The following CDC20 variants were observed in gnomAD, a reference collection of about 807,000 sequenced individuals.
The protein encoded by CDC20 is cell division cycle 20, also known as cell division cycle protein 20 homolog.
In CDC20, 34 loss-of-function variants were observed where a neutral mutation model predicts 60.0. The observed-to-expected ratio is 0.57, with a 90% CI of 0.43 to 0.75. CDC20 has a LOEUF of 0.75. CDC20 is among the 30% of genes least tolerant of loss of function. CDC20 has a pLI of 0.00. For synonymous variants in CDC20, 198 were observed against 243.5 expected (o/e 0.81, Z 1.74); for missense variants, 469 against 647.3 (o/e 0.72, Z 2.99).
chr1:43,359,709 C>T lies in CDC20; in HGVS notation c.331-16C>T, dbSNP rs772359905. The T allele has an allele frequency of 4.3e-6, 7 of 1,613,862 alleles. No individual in the cohort carries two copies. Among genetic ancestry groups the T allele is most frequent in the Non-Finnish European group, 5.9e-6 (7 of 1,179,966 alleles). On this transcript the variant is annotated splice_polypyrimidine_tract_variant and intron_variant, in intron 3 of 10. Transcript: ENST00000310955. ...TGGATAATACCATCTTGCTCCTTCA[C>T]TACCCTTTATGCCAGGAACATCAGA...
At position 43,363,055 on chromosome 1, in the gene CDC20, G is replaced by A. The variant is rs1375787980; in HGVS notation, c.1426G>A (p.Asp476Asn). ...TLRLWRCFEL[D>N]PARRREREKA... ...GAGGCTATGGCGCTGTTTTGAGTTG[G>A]ACCCTGCGCGGCGGCGGGAGCGGGA... Residue 476 changes from aspartate to asparagine, a missense_variant, in exon 11 of 11, where the codon GAC becomes AAC. Transcript: ENST00000310955. 1 of 1,613,542 alleles carries A rather than the reference G, an allele frequency of 6.2e-7. No individual in the cohort carries two copies. Among genetic ancestry groups the A allele is most frequent in the Middle Eastern group, 1.7e-4 (1 of 6,060 alleles).
chr1:43,361,424 C>T (rs45449701), intron 9 of CDC20, among the ~76,000 whole-genome samples, 179 bp downstream of exon 9: 1,537 of 152,282 alleles, frequency 0.01, 23 homozygotes, highest in African/African-American at 0.035. Context: ...CTATAGGCAC[C>T]ACCACCTTGA....
chr1:43,359,093 C>T lies in CDC20; in HGVS notation c.-49-74C>T, dbSNP rs915868688. 7.9e-6 allele frequency: 8 copies of T among 1,007,356 alleles called. No homozygotes were observed. In the African/African-American group the frequency reaches 8.0e-5, roughly 10 times the overall value. 62.4% of individuals were successfully genotyped at this position (1,007,356 alleles called of 1,614,324 possible). On this transcript the variant is annotated intron_variant, in intron 1 of 10. Coordinates refer to ENST00000310955, the MANE Select transcript of CDC20 (RefSeq NM_001255.3). ...GGAAGGGGCTGCAGCCGAGGGTGGC[C>T]CTGATTTTGTGGCCGGCCAGGAGCG...
intron 1 of CDC20, 47 bp downstream of exon 1, chr1:43,359,053 AG>A (rs1372525501): frequency 4.4e-6 from 3 of 680,952 alleles, no homozygotes; most frequent in African/African-American, 1.8e-5. Flanking sequence ...GGCCAGGGGG[AG>A]GGGGTGCTAG....
rs774879255 is a variant in CDC20 at position 43,359,325 on chromosome 1, GCCCGGC to G, written c.114_119del (p.Ala39_Pro40del). 3.3e-5 allele frequency: 53 copies of G among 1,612,852 alleles called. 1 individual carries two copies. The Middle Eastern group carries it at 6.7e-4, about 21-fold the overall frequency. On this transcript the variant is annotated inframe_deletion, in exon 2 of 11. Transcript: ENST00000310955. ...CAGCGCAAAGCCAAGGAAGCCGCAG[GCCCGGC>G]CCCCTCACCCATGCGGGCCGCCAAC...
chr1:43,362,407 G>T, intron 10 of CDC20, 95 bp downstream of exon 10: 1 of 648,550 alleles, frequency 1.5e-6, no homozygotes. Context: ...ACACATTAAT[G>T]GTTGCCAGGG....
At chr1:43,360,988 G>A (rs1379143319) in intron 8 of CDC20, 27 bp downstream of exon 8, 3 of 1,595,796 alleles carry the variant, frequency 1.9e-6, no homozygotes, top group Non-Finnish European at 2.6e-6. Context: ...TGAAGCCTCT[G>A]CAGACCCTCA....
In CDC20 at chr1:43,360,938, A is replaced by G; in HGVS notation, c.1054A>G (p.Thr352Ala). Residue 352 changes from threonine (T) to alanine (A), a missense_variant, in exon 8 of 11, where the codon ACC (threonine) becomes GCC (alanine). Transcript: ENST00000310955. ...EGGWVPLQTFTQHQGAVKAVA... is the reference protein window; with the variant it reads ...EGGWVPLQTFAQHQGAVKAVA... ...TGGCTGGGTTCCTCTGCAGACATTC[A>G]CCCAGCATCAAGGGGCTGTCAAGGT... 1 of 1,613,902 alleles carries G rather than the reference A, an allele frequency of 6.2e-7. No homozygotes were observed. Among genetic ancestry groups the G allele is most frequent in the Non-Finnish European group, 8.5e-7 (1 of 1,179,896 alleles).
At chr1:43,362,169 A>G in intron 9 of CDC20, 26 bp from the exon 10 acceptor site, 1 of 1,418,060 alleles carries the variant, frequency 7.1e-7, no homozygotes, top group Non-Finnish European at 1.0e-6. Flanking sequence ...GCTATATGTC[A>G]TGCCCACACC....
intron 7 of CDC20, 39 bp from the exon 8 acceptor site, chr1:43,360,694 T>A: frequency 6.3e-7 from 1 of 1,592,716 alleles, no homozygotes; most frequent in Non-Finnish European, 8.6e-7. Flanking sequence ...TTGCATTTGG[T>A]GCTGCCACAG....
In CDC20 at chr1:43,359,448, C is replaced by T. The variant is rs1380912967; in HGVS notation, c.182-42C>T. ...TGAGAGCAGCCTTCATACTTTCTCC[C>T]TGGGGAGCCTGGTCAGACTGTCTTC... is the stretch of plus-strand genomic sequence containing the variant. On this transcript the variant is annotated intron_variant, in intron 2 of 10. Transcript: ENST00000310955. 1.9e-6 allele frequency: 3 copies of T among 1,613,182 alleles called. No individual in the cohort carries two copies. The African/African-American group carries it at 4.0e-5, about 22-fold the overall frequency.
In CDC20 at chr1:43,359,174, T is replaced by C; in HGVS notation, c.-42T>C. 6.2e-7 allele frequency: 1 copy of C among 1,605,152 alleles called. No homozygotes were observed. The highest frequency in any genetic ancestry group is 8.5e-7 in the Non-Finnish European group (1 of 1,174,404). ...TCGCCTCCTTTCCTCCAGGGCTCCG[T>C]AGGCACCAACTGCAAGGACCCCTCC... On this transcript the variant is annotated 5_prime_UTR_variant, in exon 2 of 11. Transcript: ENST00000310955.
Position 43,360,221 on chromosome 1 carries a change from G to C in CDC20, c.585G>C (p.Gly195=). 1 of 1,614,218 alleles carries C rather than the reference G, an allele frequency of 6.2e-7. No homozygotes were observed. The highest frequency in any genetic ancestry group is 1.6e-4 in the Middle Eastern group (1 of 6,062). Reference sequence around the variant, plus strand: ...TGAACCTTGTGGATTGGAGTTCTGGGAATGTACTGGCCGTGGCACTGGACA... The same window carrying C: ...TGAACCTTGTGGATTGGAGTTCTGGCAATGTACTGGCCGTGGCACTGGACA... ...YYLNLVDWSS[G]NVLAVALDNS... is the part of the protein sequence containing the mutation. Residue 195 remains glycine (G), a synonymous_variant, in exon 6 of 11, where the codon GGG becomes GGC. Transcript: ENST00000310955.
Position 43,362,962 on chromosome 1 carries a change from C to T in CDC20, c.1333C>T (p.Arg445Trp). The change falls in exon 11 of 11, where the codon CGG becomes TGG. Residue 445 changes from arginine to tryptophan, a missense_variant. Arg to Trp is a moderately radical substitution (Grantham distance 101). Around this residue, in one of 5 missense-constraint regions of CDC20, gnomAD observed 20 missense variants for 55.8 expected, o/e 0.36. Coordinates refer to ENST00000310955, the MANE Select transcript of CDC20 (RefSeq NM_001255.3). ...KVAELKGHTS[R>W]VLSLTMSPDG... is the part of the protein sequence containing the mutation. Reference sequence around the variant, plus strand: ...CTCATTTGCTCCAGGTCACACATCCCGGGTCCTGAGTCTGACCATGAGCCC... The same window carrying T: ...CTCATTTGCTCCAGGTCACACATCCTGGGTCCTGAGTCTGACCATGAGCCC... The T allele has an allele frequency of 2.5e-6, 4 of 1,594,838 alleles. No individual in the cohort carries two copies. The highest frequency in any genetic ancestry group is 3.4e-6 in the Non-Finnish European group (4 of 1,174,092).
intron 9 of CDC20, among the ~76,000 whole-genome samples, chr1:43,361,929 G>C (rs1157276303): frequency 3.3e-5 from 5 of 152,140 alleles, no homozygotes; most frequent in Non-Finnish European, 7.3e-5. Context: ...GCAACCTATT[G>C]AACTTCCTTC....
rs771468303 is a variant in CDC20, at chr1:43,362,231, C to G, written c.1240C>G (p.Leu414Val). 5 of 1,612,898 alleles carry G rather than the reference C, an allele frequency of 3.1e-6. No homozygotes were observed. Among genetic ancestry groups the G allele is most frequent in the Non-Finnish European group, 4.2e-6 (5 of 1,178,876 alleles). Reference sequence around the variant, plus strand: ...CCTCTGGTCTCCCCATTACAAGGAGCTCATCTCAGGCCATGGCTTTGCACA... The same window carrying G: ...CCTCTGGTCTCCCCATTACAAGGAGGTCATCTCAGGCCATGGCTTTGCACA... ...SILWSPHYKE[L>V]ISGHGFAQNQ... Residue 414 changes from leucine to valine, a missense_variant, in exon 10 of 11, where the codon CTC (leucine) becomes GTC (valine). Transcript: ENST00000310955.
At chr1:43,361,056 C>T in intron 8 of CDC20, 64 bp from the exon 9 acceptor site, 13 of 1,608,976 alleles carry the variant, frequency 8.1e-6, no homozygotes, top group Non-Finnish European at 1.0e-5. Context: ...CTGGGTTAAT[C>T]TGTGACCCCT....
rs111297080 is a variant in CDC20, at chr1:43,359,581, C to T, written c.273C>T (p.Ala91=). 8.7e-6 allele frequency: 14 copies of T among 1,613,956 alleles called. No individual in the cohort carries two copies. The change falls in exon 3 of 11, where the codon GCC becomes GCT. Residue 91 remains alanine (A), a synonymous_variant. Coordinates refer to ENST00000310955, the MANE Select transcript of CDC20 (RefSeq NM_001255.3). ...PHRSAAQMEV[A]SFLLSKENQP... ...GCAGTGCTGCCCAGATGGAGGTGGC[C>T]AGCTTCCTCCTGAGCAAGGAGAACC...
rs1453863337 is a variant in CDC20 at position 43,360,734 on chromosome 1, G to A, written c.850G>A (p.Gly284Ser). The stretch of plus-strand genomic sequence containing the variant: ...TGATTCCCTTCTTTCCTCCTCCAGT[G>A]GTTCACGTTCTGGCCACATCCACCA... ...LSWNSYILSS[G>S]SRSGHIHHHD... The change falls in exon 8 of 11, where the codon GGT (glycine) becomes AGT (serine). Residue 284 changes from glycine (G) to serine (S), a missense_variant and splice_region_variant. By Grantham distance (56) the Gly-to-Ser change is moderately conservative. This residue lies in a region of CDC20 where 255 missense variants were observed against 326.7 expected (regional missense o/e 0.78). Transcript: ENST00000310955. The A allele has an allele frequency of 6.2e-7, 1 of 1,612,200 alleles. No individual in the cohort carries two copies. Among genetic ancestry groups the A allele is most frequent in the Non-Finnish European group, 8.5e-7 (1 of 1,178,462 alleles).
Sources: allele counts gnomAD v4.1 joint callset (sites outside exome capture counted in the v4.1 genomes callset), GRCh38; gene constraint gnomAD v4.1.1; regional missense constraint gnomAD v4.1.1; transcripts MANE v1.5; gene names NCBI Gene and HGNC (gene_info 2026-07-23, HGNC 2026-07-21).